The following PREP variants were observed in gnomAD, a reference collection of about 807,000 sequenced individuals.
PREP encodes the protein prolyl endopeptidase.
A neutral mutation model predicts 87.6 loss-of-function variants in PREP; 29 were observed. That is an observed-to-expected ratio of 0.33 (90% CI 0.25 to 0.45). PREP has a LOEUF of 0.45. Ranked by LOEUF, PREP falls within the 20% of genes least tolerant of loss-of-function variation. The probability of loss-of-function intolerance (pLI) is 1.00; values close to 1 mark genes in which losing one functional copy is unlikely to be tolerated. For synonymous variants in PREP, 337 were observed against 328.6 expected, an observed-to-expected ratio of 1.03 and a Z score of -0.28; for missense variants, 695 against 886.5, an observed-to-expected ratio of 0.78 and a Z score of 2.74.
chr6:105,293,321 G>C (rs1482197519), intron 10 of PREP, among the ~76,000 whole-genome samples: 1 of 152,128 alleles, frequency 6.6e-6, no homozygotes, highest in Non-Finnish European at 1.5e-5. Flanking sequence ...GAGGGAGTGA[G>C]ACAGGAAATG....
At chr6:105,381,822 T>G (rs150229319) in intron 2 of PREP, among the ~76,000 whole-genome samples, 174 of 151,380 alleles carry the variant, frequency 1.1e-3, no homozygotes, top group Admixed American at 2.6e-3. Context: ...GTACCTATAG[T>G]TAGCAATACT....
At chr6:105,316,331 G>A (rs150221744) in intron 10 of PREP, among the ~76,000 whole-genome samples, 1 of 152,302 alleles carries the variant, frequency 6.6e-6, no homozygotes, top group African/African-American at 2.4e-5. Flanking sequence ...TATAGCTGAC[G>A]GATGGAGCAG....
intron 4 of PREP, among the ~76,000 whole-genome samples, chr6:105,374,647 TATATATA>T: frequency 2.1e-3 from 1 of 478 alleles, no homozygotes; most frequent in Admixed American, 0.026. Flanking sequence ...TATATATATA[TATATATA>T]TATATATATA....
rs576189666 is a variant in PREP at position 105,307,230 on chromosome 6, T to G, written c.1317+16435A>C. ...TTTAAAAGTAGCTTGTTTCTTGCAT[T>G]CAACTTCCTTTCCCTTCTTCACTCC... is the stretch of plus-strand genomic sequence containing the variant. On this transcript the variant is annotated intron_variant, in intron 10 of 14. Coordinates refer to ENST00000652536, the MANE Select transcript of PREP (RefSeq NM_002726.5). Among the ~76,000 whole-genome samples the G allele has an allele frequency of 4.6e-5, 7 of 152,328 alleles. No homozygotes were observed. The South Asian group carries it at 1.5e-3, about 32-fold the overall frequency.
chr6:105,341,670 G>T (rs984464281), intron 7 of PREP, among the ~76,000 whole-genome samples: 4 of 152,148 alleles, frequency 2.6e-5, no homozygotes, highest in African/African-American at 9.6e-5. Context: ...AAAGAGAGAA[G>T]AATCAAATAG....
intron 10 of PREP, chr6:105,302,499 C>T (rs1212789435): frequency 5.4e-6 from 2 of 369,144 alleles, no homozygotes; most frequent in Non-Finnish European, 1.1e-5. Flanking sequence ...CCGCTCCTTC[C>T]GCGGCTGCTG....
chr6:105,348,301 A>G (rs897564730), intron 7 of PREP, among the ~76,000 whole-genome samples: 2 of 152,218 alleles, frequency 1.3e-5, no homozygotes, highest in African/African-American at 2.4e-5. Context: ...AATGCTCAGA[A>G]GGCAGTAACC....
intron 10 of PREP, chr6:105,298,574 G>C (rs558463779): frequency 6.6e-6 from 1 of 152,546 alleles, no homozygotes; most frequent in Non-Finnish European, 1.5e-5. Flanking sequence ...GACTGCGCAC[G>C]ACATGGATCC....
At chr6:105,368,683 A>C (rs1171824760) in intron 6 of PREP, among the ~76,000 whole-genome samples, 1 of 152,194 alleles carries the variant, frequency 6.6e-6, no homozygotes, top group African/African-American at 2.4e-5. Flanking sequence ...TTTTACCCTC[A>C]AAGTATTACT....
intron 14 of PREP, among the ~76,000 whole-genome samples, chr6:105,280,036 AGAGTT>A (rs1250814879): frequency 1.3e-5 from 2 of 152,228 alleles, no homozygotes; most frequent in African/African-American, 4.8e-5. Flanking sequence ...CTTAGAGAAT[AGAGTT>A]TAGTAAAGTA....
intron 10 of PREP, among the ~76,000 whole-genome samples, chr6:105,297,752 C>T (rs749983352): frequency 1.4e-4 from 21 of 152,206 alleles, no homozygotes; most frequent in Non-Finnish European, 2.8e-4. Context: ...AGAGCCCTGT[C>T]TTCCTTCTTC....
rs191112898 is a variant in PREP, at chr6:105,315,588, T to C, written c.1317+8077A>G. Among the ~76,000 whole-genome samples, 73 of 152,296 alleles carry C rather than the reference T, an allele frequency of 4.8e-4. No individual in the cohort carries two copies. The East Asian group carries it at 0.01, about 22-fold the overall frequency. On this transcript the variant is annotated intron_variant, in intron 10 of 14. Transcript: ENST00000652536. ...TAGAATCAACCTGTCCTTTGGAACT[T>C]TGGAACTTTGAAACTTTGGAACTTT...
chr6:105,398,973 T>C (rs1773354568), intron 1 of PREP, among the ~76,000 whole-genome samples: 1 of 151,988 alleles, frequency 6.6e-6, no homozygotes, highest in Admixed American at 6.6e-5. Context: ...CCGGGCATGG[T>C]GGCAGGTGCT....
chr6:105,295,758 G>A (rs565722421), intron 10 of PREP, among the ~76,000 whole-genome samples: 2 of 152,278 alleles, frequency 1.3e-5, no homozygotes, highest in South Asian at 4.1e-4. Context: ...ACTGGGCTAT[G>A]ATTCATTCTC....
intron 10 of PREP, among the ~76,000 whole-genome samples, chr6:105,311,431 G>C (rs1770759409): frequency 6.6e-6 from 1 of 151,984 alleles, no homozygotes; most frequent in African/African-American, 2.4e-5. Flanking sequence ...TAACGTTCTG[G>C]GCCGCCTGTC....
chr6:105,382,196 A>G (rs1421121221), intron 2 of PREP, among the ~76,000 whole-genome samples: 1 of 151,818 alleles, frequency 6.6e-6, no homozygotes, highest in Non-Finnish European at 1.5e-5. Context: ...TAGACAGGAG[A>G]AATAAGTTCA....
chr6:105,348,505 G>A (rs1771859451), intron 7 of PREP, among the ~76,000 whole-genome samples: 1 of 152,278 alleles, frequency 6.6e-6, no homozygotes, highest in Middle Eastern at 3.4e-3. Flanking sequence ...CTCACACAAA[G>A]TGCTTTTGTA....
chr6:105,282,403 C>A, intron 13 of PREP, 48 bp downstream of exon 13: 1 of 1,584,900 alleles, frequency 6.3e-7, no homozygotes, highest in Non-Finnish European at 8.6e-7. Context: ...ATCTGAAAAC[C>A]CCAAGAGGGC....
chr6:105,330,475 C>T (rs1462164981), intron 8 of PREP, among the ~76,000 whole-genome samples: 2 of 152,070 alleles, frequency 1.3e-5, no homozygotes, highest in East Asian at 3.9e-4. Context: ...TCAGTGACAG[C>T]GTTCAGTGAC....
Sources: gnomAD v4.1 joint callset for allele counts (sites outside exome capture counted in the v4.1 genomes callset) on GRCh38, gnomAD v4.1.1 for gene constraint, MANE v1.5 for transcripts, NCBI Gene and HGNC (gene_info 2026-07-23, HGNC 2026-07-21) for gene names.